Variants in ERCC3 observed in about 807,000 individuals in gnomAD.
ERCC3 encodes the protein ERCC excision repair 3, TFIIH core complex helicase subunit, also known as general transcription and DNA repair factor IIH helicase/translocase subunit XPB.
A neutral mutation model predicts 94.2 loss-of-function variants in ERCC3; 66 were observed. That is an observed-to-expected ratio of 0.70 (90% CI 0.57 to 0.86). ERCC3 has a LOEUF of 0.86. Among genes scored for constraint, ERCC3 ranks in the 40% least tolerant of loss-of-function variants. The probability of loss-of-function intolerance (pLI) is 0.00; values close to 1 mark genes in which losing one functional copy is unlikely to be tolerated. For synonymous variants in ERCC3, 349 were observed against 369.1 expected (o/e 0.95, Z 0.63); for missense variants, 829 against 987.1 (o/e 0.84, Z 2.15).
At position 127,286,897 on chromosome 2, in the gene ERCC3, G is replaced by A. The variant is rs1261030668; in HGVS notation, c.1148C>T (p.Thr383Ile). 1 of 1,614,120 alleles carries A rather than the reference G, an allele frequency of 6.2e-7. No homozygotes were observed. The highest frequency in any genetic ancestry group is 8.5e-7 in the Non-Finnish European group (1 of 1,180,050). Reference protein sequence around the residue: ...QWKAQFKMWSTIDDSQICRFT... With the variant: ...QWKAQFKMWSIIDDSQICRFT... ...CCGGCAGATCTGGCTGTCGTCAATG[G>A]TGGACCACATCTTGAACTGGGCTTT... Residue 383 changes from threonine (T) to isoleucine (I), a missense_variant, in exon 8 of 15, where the codon ACC becomes ATC. Thr to Ile is a moderately conservative substitution (Grantham distance 89, BLOSUM62 -1). Transcript: ENST00000285398.
Position 127,279,027 on chromosome 2 carries a change from T to A in ERCC3, c.1730+146A>T, listed in dbSNP as rs1684824331. On this transcript the variant is annotated intron_variant, in intron 10 of 14. Transcript: ENST00000285398. The surrounding 1 kb of genome is among the most constrained non-coding windows in gnomAD (Gnocchi z 4.7). ...CACCTACTTCAGGTCTTCCCTGGTT[T>A]CTGAGACCAGGGCCACAGAACAAGA... is the stretch of plus-strand genomic sequence containing the variant. 3 of 684,864 alleles carry A rather than the reference T, an allele frequency of 4.4e-6. No homozygotes were observed. The highest frequency in any genetic ancestry group is 7.8e-6 in the Non-Finnish European group (3 of 384,236). 42.4% of individuals were successfully genotyped at this position (684,864 alleles called of 1,614,324 possible).
rs1684279255 is a variant in ERCC3, at chr2:127,264,026, TAA to T, written c.1946-2682_1946-2681del. Among the ~76,000 whole-genome samples, 2 of 152,178 alleles carry T rather than the reference TAA, an allele frequency of 1.3e-5. No individual in the cohort carries two copies. The highest frequency in any genetic ancestry group is 2.9e-5 in the Non-Finnish European group (2 of 68,040). ...TGCCCGGCTGTCTTGTTCCAGTTCT[TAA>T]AGGGAATGCTTCCAGCTTTTGCTTA... On this transcript the variant is annotated intron_variant, in intron 12 of 14. Coordinates refer to ENST00000285398, the MANE Select transcript of ERCC3 (RefSeq NM_000122.2). The surrounding 1 kb of genome is among the most constrained non-coding windows in gnomAD (Gnocchi z 4.4).
rs527243585 is a variant in ERCC3, at chr2:127,274,106, G to A, written c.1731-1145C>T. 1.3e-5 allele frequency among the ~76,000 whole-genome samples: 2 copies of A among 151,772 alleles called. No homozygotes were observed. The highest frequency in any genetic ancestry group is 4.8e-5 in the African/African-American group (2 of 41,382). On this transcript the variant is annotated intron_variant, in intron 10 of 14. Transcript: ENST00000285398. The surrounding 1 kb of genome is among the most constrained non-coding windows in gnomAD (Gnocchi z 4.0). ...AGGTGGGTGGATCACCTGAGGCCAG[G>A]AGTTCGAGACCAGCCTGGCCAACAT...
intron 2 of ERCC3, among the ~76,000 whole-genome samples, chr2:127,293,195 T>C (rs894865753): frequency 2.0e-5 from 3 of 152,244 alleles, no homozygotes; most frequent in Non-Finnish European, 4.4e-5. Context: ...TGTCTTCCAT[T>C]ATTTGAGGAA....
At position 127,261,083 on chromosome 2, in the gene ERCC3, C is replaced by T. The variant is rs2104731662; in HGVS notation, c.2064+145G>A. The T allele has an allele frequency of 7.1e-6, 5 of 704,884 alleles. No homozygotes were observed. In the Admixed American group the frequency reaches 1.0e-4, roughly 14 times the overall value. The allele number at this position is 704,884 out of a possible 1,614,324, so 43.7% of individuals were successfully genotyped here. On this transcript the variant is annotated intron_variant, in intron 13 of 14. Transcript: ENST00000285398. ...CAACAGCTGCCCTCAGAGATTCATGCAGAGATAAAGGGAGTTTGAGGCAAG... is the reference window on the plus strand; with the variant it reads ...CAACAGCTGCCCTCAGAGATTCATGTAGAGATAAAGGGAGTTTGAGGCAAG...
At chr2:127,292,523 G>A in intron 3 of ERCC3, 87 bp downstream of exon 3, 2 of 891,828 alleles carry the variant, frequency 2.2e-6, no homozygotes, top group Non-Finnish European at 1.9e-6. Context: ...CATTCTCATG[G>A]CTGCCACAGG....
intron 4 of ERCC3, 106 bp from the exon 5 acceptor site, chr2:127,289,930 C>A: frequency 7.5e-7 from 1 of 1,328,050 alleles, no homozygotes; most frequent in Non-Finnish European, 1.1e-6. Flanking sequence ...TCATGACTCT[C>A]CCCACAACCC....
chr2:127,272,724 T>A (rs1684598423), intron 11 of ERCC3, 141 bp downstream of exon 11: 8 of 673,260 alleles, frequency 1.2e-5, no homozygotes, highest in Non-Finnish European at 2.2e-5. Flanking sequence ...CAGTGCCCCC[T>A]ATCCCTGGAC....
chr2:127,257,771 A>C lies in ERCC3; in HGVS notation c.2218-44T>G. On this transcript the variant is annotated intron_variant, in intron 14 of 14. Coordinates refer to ENST00000285398, the MANE Select transcript of ERCC3 (RefSeq NM_000122.2). This position sits in a 1 kb window ranked among gnomAD's most constrained non-coding sequence, Gnocchi z 5.4. ...CAGCCCATGTTAGTCTCCAGAAGAA[A>C]AGATACTCCTTTTATAATACTTATA... The C allele has an allele frequency of 1.2e-6, 2 of 1,611,236 alleles. No individual in the cohort carries two copies. The highest frequency in any genetic ancestry group is 2.2e-5 in the South Asian group (2 of 91,016).
intron 8 of ERCC3, among the ~76,000 whole-genome samples, chr2:127,286,214 A>G (rs950252821): frequency 3.3e-5 from 5 of 152,188 alleles, no homozygotes; most frequent in African/African-American, 1.2e-4. Flanking sequence ...TGAGCCAGTG[A>G]TTAAGCAAAC....
intron 8 of ERCC3, 64 bp downstream of exon 8, chr2:127,286,639 A>C: frequency 1.3e-6 from 2 of 1,527,918 alleles, no homozygotes; most frequent in Non-Finnish European, 1.8e-6. Flanking sequence ...CCCTTTCCCA[A>C]CCTAACAACT....
In ERCC3 at chr2:127,258,199, C is replaced by T. The variant is rs891815170; in HGVS notation, c.2218-472G>A. On this transcript the variant is annotated intron_variant, in intron 14 of 14. Coordinates refer to ENST00000285398, the MANE Select transcript of ERCC3 (RefSeq NM_000122.2). The surrounding 1 kb of genome is among the most constrained non-coding windows in gnomAD (Gnocchi z 4.1). ...CCTCCCGCCTAGGCCTCCCAAAGTG[C>T]TGGGATTACAGACATGAGCCACCAT... Among the ~76,000 whole-genome samples, 1 of 152,176 alleles carries T rather than the reference C, an allele frequency of 6.6e-6. No homozygotes were observed. Among genetic ancestry groups the T allele is most frequent in the Non-Finnish European group, 1.5e-5 (1 of 68,024 alleles).
chr2:127,270,850 C>G (rs1684525167), intron 12 of ERCC3, among the ~76,000 whole-genome samples: 1 of 152,208 alleles, frequency 6.6e-6, no homozygotes, highest in Admixed American at 6.5e-5. Flanking sequence ...CTGAGCTTGC[C>G]CTGCCCCTGC....
At chr2:127,270,763 C>G (rs780001190) in intron 12 of ERCC3, among the ~76,000 whole-genome samples, 42 of 152,166 alleles carry the variant, frequency 2.8e-4, no homozygotes, top group Non-Finnish European at 5.0e-4. Context: ...GGCCCTTTTA[C>G]CGCAGTAAGC....
intron 12 of ERCC3, among the ~76,000 whole-genome samples, chr2:127,266,422 G>A (rs1378641380): frequency 2.9e-5 from 4 of 139,354 alleles, no homozygotes; most frequent in East Asian, 2.1e-4. Context: ...TGCAAGCTCC[G>A]CCTCCCAGGT....
intron 6 of ERCC3, 74 bp from the exon 7 acceptor site, chr2:127,288,938 C>T (rs1206819328): frequency 8.4e-7 from 1 of 1,193,496 alleles, no homozygotes; most frequent in East Asian, 2.3e-5. Flanking sequence ...CTAAGAGGTC[C>T]AATGGTCAAA....
At chr2:127,289,898 A>T (rs1685208269) in intron 4 of ERCC3, 74 bp from the exon 5 acceptor site, 1 of 1,530,580 alleles carries the variant, frequency 6.5e-7, no homozygotes. Context: ...TCATTCAATT[A>T]GATGGTCTGG....
In ERCC3 at chr2:127,280,559, C is replaced by T. The variant is rs753633161; in HGVS notation, c.1415G>A (p.Arg472His). The T allele has an allele frequency of 4.3e-6, 7 of 1,614,038 alleles. No homozygotes were observed. The highest frequency in any genetic ancestry group is 1.1e-5 in the South Asian group (1 of 91,088). ...TAAATCCACAATTTTGTCATCTTCG[C>T]GGACGAGGGTCGCAGTCAAACCCAG... ...CKLGLTATLVREDDKIVDLNF... is the reference protein window; with the variant it reads ...CKLGLTATLVHEDDKIVDLNF... Residue 472 changes from arginine to histidine, a missense_variant, in exon 9 of 15, where the codon CGC becomes CAC. By Grantham distance (29) the Arg-to-His change is conservative (BLOSUM62 0). Coordinates refer to ENST00000285398, the MANE Select transcript of ERCC3 (RefSeq NM_000122.2). This position sits in a 1 kb window ranked among gnomAD's most constrained non-coding sequence, Gnocchi z 6.3.
intron 8 of ERCC3, 131 bp downstream of exon 8, chr2:127,286,572 G>T: frequency 3.5e-6 from 3 of 853,392 alleles, no homozygotes; most frequent in African/African-American, 1.7e-5. Flanking sequence ...ACTATTAAAA[G>T]CTTTACCCAG....
Sources: gnomAD v4.1 joint callset for allele counts (sites outside exome capture counted in the v4.1 genomes callset) on GRCh38, gnomAD v4.1.1 for gene constraint, Gnocchi (gnomAD v3.1) non-coding constraint, MANE v1.5 for transcripts, NCBI Gene and HGNC (gene_info 2026-07-23, HGNC 2026-07-21) for gene names.